TOP3A: variants seen among roughly 807,000 people sequenced by gnomAD.
TOP3A encodes the protein DNA topoisomerase III alpha, also known as DNA topoisomerase 3-alpha.
Under a neutral mutation model 111.3 loss-of-function variants are expected in TOP3A, and 64 were observed. The observed-to-expected ratio is 0.57, with a 90% confidence interval of 0.47 to 0.71. The LOEUF (loss-of-function observed/expected upper bound fraction) is 0.71, where lower values mean the gene tolerates loss of function less well. TOP3A is among the 30% of genes least tolerant of loss of function. TOP3A has a pLI of 0.00. For missense variants in TOP3A, 1,104 were observed against 1,285.0 expected (o/e 0.86, Z 2.15); for synonymous variants, 484 against 485.1 (o/e 1.00, Z 0.03).
At chr17:18,300,549 TTTA>T (rs759895316) in intron 8 of TOP3A, among the ~76,000 whole-genome samples, 8 of 151,908 alleles carry the variant, frequency 5.3e-5, no homozygotes, top group Non-Finnish European at 1.0e-4. Context: ...ACTTTTATAT[TTTA>T]TTATTATTTG....
intron 5 of TOP3A, among the ~76,000 whole-genome samples, chr17:18,304,438 T>C (rs907617102): frequency 3.3e-5 from 5 of 152,176 alleles, no homozygotes; most frequent in African/African-American, 1.2e-4. Context: ...CATTACAGCT[T>C]TGAACACAAA....
At chr17:18,313,047 T>G (rs1597992905) in intron 1 of TOP3A, 1 of 152,152 alleles carries the variant, frequency 6.6e-6, no homozygotes, top group African/African-American at 2.4e-5. Flanking sequence ...GAGGCGGAGG[T>G]TGCAGTGAGC....
Position 18,314,631 on chromosome 17 carries a change from C to T in TOP3A, c.148G>A (p.Ala50Thr), listed in dbSNP as rs1309272856. The change falls in exon 1 of 19, where the codon GCC (alanine) becomes ACC (threonine). Residue 50 changes from alanine to threonine, a missense_variant. Transcript: ENST00000321105. ...AEKNDAAKGI[A>T]DLLSNGRMRR... The stretch of plus-strand genomic sequence containing the variant: ...ATGCGACCGTTTGACAGCAGGTCGG[C>T]GATCCCCTTGGCCGCGTCGTTTTTT... 2 of 1,611,826 alleles carry T rather than the reference C, an allele frequency of 1.2e-6. No individual in the cohort carries two copies. The highest frequency in any genetic ancestry group is 8.5e-7 in the Non-Finnish European group (1 of 1,178,916).
At chr17:18,314,451 G>A (rs982613098) in intron 1 of TOP3A, 148 bp downstream of exon 1, 8 of 791,092 alleles carry the variant, frequency 1.0e-5, no homozygotes, top group East Asian at 3.1e-5. Flanking sequence ...GAGCAGACAG[G>A]AGGCCACTGC....
At chr17:18,288,286 G>T (rs1007777997) in intron 13 of TOP3A, among the ~76,000 whole-genome samples, 22 of 150,614 alleles carry the variant, frequency 1.5e-4, no homozygotes, top group African/African-American at 5.1e-4. Context: ...CTAAGTAGCT[G>T]GGATTACAGG....
At chr17:18,297,028 G>A (rs1344168917) in intron 9 of TOP3A, among the ~76,000 whole-genome samples, 1 of 152,200 alleles carries the variant, frequency 6.6e-6, no homozygotes, top group Admixed American at 6.5e-5. Context: ...AAAACAGGAA[G>A]AGATACTAGT....
intron 9 of TOP3A, among the ~76,000 whole-genome samples, chr17:18,299,243 T>C (rs1165223321): frequency 6.6e-6 from 1 of 152,096 alleles, no homozygotes; most frequent in African/African-American, 2.4e-5. Context: ...CTAGTCAACA[T>C]AGTGAGATTC....
chr17:18,275,020 C>T, intron 18 of TOP3A, 40 bp from the exon 19 acceptor site: 13 of 1,592,794 alleles, frequency 8.2e-6, no homozygotes, highest in Non-Finnish European at 9.4e-6. Flanking sequence ...TTAGAACTGA[C>T]ATGCAGAAGT....
At chr17:18,312,776 A>G (rs1981991587) in intron 1 of TOP3A, 1 of 205,590 alleles carries the variant, frequency 4.9e-6, no homozygotes, top group Non-Finnish European at 1.0e-5. Flanking sequence ...AACACAAAGG[A>G]AAAGAGGACG....
At position 18,299,616 on chromosome 17, in the gene TOP3A, C is replaced by T. The variant is rs770361460; in HGVS notation, c.933G>A (p.Val311=). 2.0e-5 allele frequency: 33 copies of T among 1,613,990 alleles called. No individual in the cohort carries two copies. Among genetic ancestry groups the T allele is most frequent in the Non-Finnish European group, 2.6e-5 (31 of 1,179,954 alleles). Residue 311 remains valine (V), a synonymous_variant, in exon 9 of 19, where the codon GTG becomes GTA. Transcript: ENST00000321105. ...TCTTGGGCTTAGATCTGACCTCTAC[C>T]ACAGTTGCCATGGGATCCTAGAAAG... is the stretch of plus-strand genomic sequence containing the variant. The part of the protein sequence containing the change: ...QLCVEDPMAT[V]VEVRSKPKSK...
chr17:18,295,126 A>G (rs972841411), intron 9 of TOP3A, among the ~76,000 whole-genome samples: 4 of 151,036 alleles, frequency 2.6e-5, no homozygotes, highest in Non-Finnish European at 4.4e-5. Flanking sequence ...TAGGATCACA[A>G]GCGTGAGCTA....
At chr17:18,294,635 T>G in intron 10 of TOP3A, 68 bp downstream of exon 10, 1 of 1,286,838 alleles carries the variant, frequency 7.8e-7, no homozygotes, top group Non-Finnish European at 1.1e-6. Flanking sequence ...ACCCATAAAC[T>G]CTATTTCTCA....
intron 1 of TOP3A, 88 bp from the exon 2 acceptor site, chr17:18,309,029 A>G: frequency 1.3e-6 from 1 of 759,234 alleles, no homozygotes; most frequent in Non-Finnish European, 2.0e-6. Flanking sequence ...GAATTTGGCA[A>G]TGATTTCTTG....
chr17:18,299,439 T>G, intron 9 of TOP3A, 120 bp downstream of exon 9: 1 of 863,916 alleles, frequency 1.2e-6, no homozygotes, highest in Middle Eastern at 2.7e-4. Context: ...CAGTGTTTTC[T>G]TGTGTGGCCT....
intron 6 of TOP3A, 36 bp from the exon 7 acceptor site, chr17:18,302,470 G>C (rs966821743): frequency 1.3e-6 from 2 of 1,596,170 alleles, no homozygotes. Flanking sequence ...AGGTGAAAAT[G>C]ATGGATAATG....
At chr17:18,278,378 G>A (rs1567734217) in intron 17 of TOP3A, 21 bp from the exon 18 acceptor site, 1 of 1,503,534 alleles carries the variant, frequency 6.7e-7, no homozygotes, top group Admixed American at 2.3e-5. Flanking sequence ...CAGAAGATGA[G>A]AAAAAACATT....
intron 2 of TOP3A, 82 bp from the exon 3 acceptor site, chr17:18,308,506 C>T (rs1981722955): frequency 1.1e-6 from 1 of 950,600 alleles, no homozygotes; most frequent in Non-Finnish European, 1.6e-6. Context: ...GAGGGAGGAG[C>T]TTCTATTAAA....
In TOP3A at chr17:18,277,804, T is replaced by A. The variant is rs1415100933; in HGVS notation, c.2698A>T (p.Ser900Cys). 4 of 1,614,196 alleles carry A rather than the reference T, an allele frequency of 2.5e-6. No individual in the cohort carries two copies. Among genetic ancestry groups the A allele is most frequent in the Non-Finnish European group, 3.4e-6 (4 of 1,180,042 alleles). The change falls in exon 18 of 19, where the codon AGC (serine) becomes TGC (cysteine). Residue 900 changes from serine to cysteine, a missense_variant. Transcript: ENST00000321105. ...ACAGTCCGTGTGACGGAGGGCTGGC[T>A]GCAAAGGCAGGATGTGCCACTACCA... The part of the protein sequence containing the change: ...GSGSGTSCLC[S>C]QPSVTRTVQK...
chr17:18,278,473 A>ATGGT, intron 17 of TOP3A, 116 bp from the exon 18 acceptor site: 2 of 920,150 alleles, frequency 2.2e-6, no homozygotes, highest in Non-Finnish European at 3.1e-6. Flanking sequence ...TGCATCAGGA[A>ATGGT]GCCCACACAA....
Sources: gnomAD v4.1 joint callset for allele counts (sites outside exome capture counted in the v4.1 genomes callset) on GRCh38, gnomAD v4.1.1 for gene constraint, MANE v1.5 for transcripts, NCBI Gene and HGNC (gene_info 2026-07-23, HGNC 2026-07-21) for gene names.